Variants in PIWIL1 observed in about 807,000 individuals in gnomAD.
PIWIL1 encodes piwi like RNA-mediated gene silencing 1, also known as piwi-like protein 1.
A neutral mutation model predicts 114.4 loss-of-function variants in PIWIL1; 73 were observed. The observed-to-expected ratio is 0.64, with a 90% CI of 0.53 to 0.78. The LOEUF is 0.78. Among genes scored for constraint, PIWIL1 ranks in the 30% least tolerant of loss-of-function variants. PIWIL1 has a pLI of 0.00. For synonymous variants in PIWIL1, 375 were observed against 369.0 expected (o/e 1.02, Z -0.19); for missense variants, 723 against 1,063.1 (o/e 0.68, Z 4.45).
intron 10 of PIWIL1, 44 bp downstream of exon 10, chr12:130,354,707 A>G: frequency 6.5e-7 from 1 of 1,538,026 alleles, no homozygotes; most frequent in Non-Finnish European, 8.7e-7. Flanking sequence ...CACTGGATTT[A>G]CCCTTTCTTT....
intron 8 of PIWIL1, 34 bp from the exon 9 acceptor site, chr12:130,349,822 C>T: frequency 8.4e-7 from 1 of 1,184,620 alleles, no homozygotes; most frequent in South Asian, 1.3e-5. Context: ...TTCACATTTC[C>T]ATCAAATGCA....
At chr12:130,391,092 T>C in the PIWIL1 span, among the ~76,000 whole-genome samples, 1 of 152,204 alleles carries the variant, frequency 6.6e-6, no homozygotes, top group Non-Finnish European at 1.5e-5. Context: ...CTAGAATGGC[T>C]GTGGGCGTCT....
intron 18 of PIWIL1, among the ~76,000 whole-genome samples, 182 bp from the exon 19 acceptor site, chr12:130,366,951 G>A (rs911182943): frequency 7.2e-5 from 11 of 152,270 alleles, no homozygotes; most frequent in Non-Finnish European, 1.6e-4. Context: ...CCCTCTCACC[G>A]TTTATCCGTG....
chr12:130,396,570 G>A, the PIWIL1 span: 1 of 152,612 alleles, frequency 6.6e-6, no homozygotes, highest in African/African-American at 2.4e-5. Context: ...TCATTGCTGT[G>A]TATTTGGGTA....
At chr12:130,353,023 G>A (rs935761843) in intron 9 of PIWIL1, among the ~76,000 whole-genome samples, 2 of 152,168 alleles carry the variant, frequency 1.3e-5, no homozygotes, top group African/African-American at 4.8e-5. Context: ...CTTAATTCAC[G>A]AGGGCTTGTA....
At chr12:130,424,619 G>T in the PIWIL1 span, 1 of 1,231,768 alleles carries the variant, frequency 8.1e-7, no homozygotes, top group Non-Finnish European at 1.0e-6. The surrounding 1 kb of genome is among the most constrained non-coding windows in gnomAD (Gnocchi z 9.8). Flanking sequence ...GCTTCACCGG[G>T]AACCAGGAGC....
chr12:130,393,672 C>T, the PIWIL1 span, among the ~76,000 whole-genome samples: 4 of 151,270 alleles, frequency 2.6e-5, no homozygotes, highest in African/African-American at 4.8e-5. Context: ...TGTGAATTTA[C>T]CACTTTTCAC....
At chr12:130,379,938 A>C in the PIWIL1 span, among the ~76,000 whole-genome samples, 1 of 59,042 alleles carries the variant, frequency 1.7e-5, no homozygotes, top group Non-Finnish European at 3.1e-5. Flanking sequence ...CCATCCAAGC[A>C]TTGACAGTTC....
Position 130,362,747 on chromosome 12 carries a change from T to C in PIWIL1, c.1971-19T>C. ...TAGACAATTGCATTCTTATTCTAGC[T>C]GTGTTTTTCTCTGAATAGCTGGTTC... is the stretch of plus-strand genomic sequence containing the variant. On this transcript the variant is annotated intron_variant, in intron 16 of 20. Coordinates refer to ENST00000245255, the MANE Select transcript of PIWIL1 (RefSeq NM_004764.5). The C allele has an allele frequency of 6.2e-7, 1 of 1,606,950 alleles. No homozygotes were observed. Among genetic ancestry groups the C allele is most frequent in the Non-Finnish European group, 8.5e-7 (1 of 1,173,790 alleles).
rs569838434 is a variant in PIWIL1, at chr12:130,364,718, G to A, written c.2195+1574G>A. 2.9e-3 allele frequency among the ~76,000 whole-genome samples: 441 copies of A among 152,210 alleles called. 3 individuals are homozygous for A. The highest frequency in any genetic ancestry group is 1.0e-2 in the African/African-American group (415 of 41,514). ...CTGACTTGGCCTTTCTGTCTGTGTG[G>A]GGAGGTGTGGTGTGGTGTGTGCAGC... On this transcript the variant is annotated intron_variant, in intron 18 of 20. Coordinates refer to ENST00000245255, the MANE Select transcript of PIWIL1 (RefSeq NM_004764.5).
At chr12:130,348,456 G>T (rs183324406) in intron 7 of PIWIL1, among the ~76,000 whole-genome samples, 66 of 152,286 alleles carry the variant, frequency 4.3e-4, no homozygotes, top group African/African-American at 1.6e-3. Context: ...AGTTAATGTG[G>T]TGTATCAAGA....
downstream of PIWIL1, among the ~76,000 whole-genome samples, chr12:130,376,803 G>T (rs1046136449): frequency 6.6e-6 from 1 of 152,190 alleles, no homozygotes; most frequent in African/African-American, 2.4e-5. Context: ...TCACAGTGAT[G>T]AAGTCACACA....
At chr12:130,373,162 G>C (rs1156557558), downstream of PIWIL1, among the ~76,000 whole-genome samples, 1 of 152,210 alleles carries the variant, frequency 6.6e-6, no homozygotes, top group Non-Finnish European at 1.5e-5. Context: ...GAGAAGACAA[G>C]AAACACAGAA....
chr12:130,390,303 G>A, the PIWIL1 span, among the ~76,000 whole-genome samples: 128 of 152,314 alleles, frequency 8.4e-4, 1 homozygote, highest in South Asian at 2.3e-3. Context: ...CTACCTGTCT[G>A]GTGAGAAGCA....
the PIWIL1 span, chr12:130,424,284 G>A: frequency 1.6e-5 from 20 of 1,231,700 alleles, no homozygotes; most frequent in South Asian, 2.1e-4. The surrounding 1 kb of genome is among the most constrained non-coding windows in gnomAD (Gnocchi z 9.8). Context: ...CCTGGGGGGC[G>A]GCCTCTCCGG....
At chr12:130,370,206 A>G (rs921508009) in intron 19 of PIWIL1, among the ~76,000 whole-genome samples, 2 of 151,788 alleles carry the variant, frequency 1.3e-5, no homozygotes, top group Non-Finnish European at 2.9e-5. Context: ...TCAAATTACA[A>G]TATCTCTGGA....
chr12:130,394,236 A>G, the PIWIL1 span, among the ~76,000 whole-genome samples: 1 of 152,216 alleles, frequency 6.6e-6, no homozygotes, highest in East Asian at 1.9e-4. Context: ...CATAAGCTCC[A>G]TATACTGTTT....
chr12:130,413,780 C>T, the PIWIL1 span, among the ~76,000 whole-genome samples: 1 of 152,170 alleles, frequency 6.6e-6, no homozygotes, highest in Admixed American at 6.5e-5. Context: ...TTTCCCTCTC[C>T]CTCCTTCCTC....
the PIWIL1 span, among the ~76,000 whole-genome samples, chr12:130,423,459 T>C: frequency 1.3e-5 from 2 of 152,160 alleles, no homozygotes; most frequent in Non-Finnish European, 2.9e-5. Context: ...AAGGTCAGCA[T>C]GACAGGAGCA....
Sources: allele counts gnomAD v4.1 joint callset (sites outside exome capture counted in the v4.1 genomes callset), GRCh38; gene constraint gnomAD v4.1.1; non-coding constraint Gnocchi (gnomAD v3.1); transcripts MANE v1.5; gene names NCBI Gene and HGNC (gene_info 2026-07-23, HGNC 2026-07-21).